Variants in RAB22A observed in about 807,000 individuals in gnomAD.
RAB22A encodes ras-related protein Rab-22A.
RAB22A carries 13 observed loss-of-function variants against 30.2 expected under a neutral mutation model. The observed-to-expected ratio is 0.43, with a 90% CI of 0.28 to 0.68. The LOEUF is 0.68. Among genes scored for constraint, RAB22A ranks in the 30% least tolerant of loss-of-function variants. The pLI is 0.18. For missense variants in RAB22A, 177 were observed against 246.8 expected (o/e 0.72, Z 1.89); for synonymous variants, 89 against 87.2 (o/e 1.02, Z -0.11).
In RAB22A at chr20:58,331,646, G is replaced by A. The variant is rs552977833; in HGVS notation, c.117-12072G>A. 1.2e-3 allele frequency among the ~76,000 whole-genome samples: 182 copies of A among 151,984 alleles called. 1 individual carries two copies. The highest frequency in any genetic ancestry group is 1.3e-3 in the Non-Finnish European group (90 of 67,978). ...TGTATTTGCCCTCTAGAAGTATTTGGCATTATCTTGACTTTTTTTTTTAAT... is the reference window on the plus strand; with the variant it reads ...TGTATTTGCCCTCTAGAAGTATTTGACATTATCTTGACTTTTTTTTTTAAT... On this transcript the variant is annotated intron_variant, in intron 2 of 6. Coordinates refer to ENST00000244040, the MANE Select transcript of RAB22A (RefSeq NM_020673.3).
chr20:58,330,575 GT>G (rs942280037), intron 2 of RAB22A, among the ~76,000 whole-genome samples: 14 of 152,084 alleles, frequency 9.2e-5, no homozygotes, highest in Non-Finnish European at 5.9e-5. Flanking sequence ...GAAGAGTGCT[GT>G]TTTGTTTTAA....
rs1161533575 is a variant in RAB22A at position 58,360,107 on chromosome 20, C to A, written c.*404C>A. On this transcript the variant is annotated 3_prime_UTR_variant, in exon 7 of 7. Coordinates refer to ENST00000244040, the MANE Select transcript of RAB22A (RefSeq NM_020673.3). ...GTGGAGATTATAATTTCCTTGGTTT[C>A]TGTTACCACTGTTAGAGGGAGTTGT... The A allele has an allele frequency of 6.5e-6, 1 of 153,976 alleles. No individual in the cohort carries two copies. The highest frequency in any genetic ancestry group is 2.4e-5 in the African/African-American group (1 of 41,446). 9.5% of individuals were successfully genotyped at this position (153,976 alleles called of 1,614,324 possible).
intron 2 of RAB22A, among the ~76,000 whole-genome samples, chr20:58,336,342 A>G (rs986501740): frequency 2.0e-5 from 3 of 152,028 alleles, no homozygotes; most frequent in Non-Finnish European, 4.4e-5. Context: ...CCAGCCCAAA[A>G]TGTCAGCCTT....
intron 2 of RAB22A, among the ~76,000 whole-genome samples, chr20:58,322,101 T>C (rs1253571968): frequency 6.6e-6 from 1 of 152,228 alleles, no homozygotes; most frequent in Non-Finnish European, 1.5e-5. Context: ...CCGGGCGTCA[T>C]TGTTAGATTT....
chr20:58,355,173 G>T (rs1049838374), intron 6 of RAB22A, among the ~76,000 whole-genome samples: 3 of 152,142 alleles, frequency 2.0e-5, no homozygotes, highest in Admixed American at 6.5e-5. Flanking sequence ...AGAGCCAAGG[G>T]TACTGAAGCA....
chr20:58,310,819 G>A (rs1226770421), intron 1 of RAB22A, among the ~76,000 whole-genome samples: 1 of 152,148 alleles, frequency 6.6e-6, no homozygotes, highest in Non-Finnish European at 1.5e-5. Context: ...CTCTCAAAAG[G>A]TCCTAATCTG....
At position 58,359,808 on chromosome 20, in the gene RAB22A, T is replaced by G; in HGVS notation, c.*105T>G. 1.1e-6 allele frequency: 1 copy of G among 941,658 alleles called. No individual in the cohort carries two copies. Among genetic ancestry groups the G allele is most frequent in the Non-Finnish European group, 1.6e-6 (1 of 628,988 alleles). The allele number at this position is 941,658 out of a possible 1,614,324, so 58.3% of individuals were successfully genotyped here. The stretch of plus-strand genomic sequence containing the variant: ...GTTTTCACCTAGCCAGTCTTGAGTC[T>G]TCTCCGTGCAAAAAGGATTCACAGA... On this transcript the variant is annotated 3_prime_UTR_variant, in exon 7 of 7. Coordinates refer to ENST00000244040, the MANE Select transcript of RAB22A (RefSeq NM_020673.3).
In RAB22A at chr20:58,309,765, G is replaced by A. The variant is rs1986180622; in HGVS notation, c.-212G>A. On this transcript the variant is annotated 5_prime_UTR_variant, in exon 1 of 7. Transcript: ENST00000244040. ...TGGCGGCGGCGGCGGCTCCCGGAAG[G>A]CCGCGGCGGCGTCCCGGCTGCTAAG... is the stretch of plus-strand genomic sequence containing the variant. 2 of 320,270 alleles carry A rather than the reference G, an allele frequency of 6.2e-6. No individual in the cohort carries two copies. Among genetic ancestry groups the A allele is most frequent in the Admixed American group, 1.0e-4 (2 of 19,154 alleles). 19.8% of individuals were successfully genotyped at this position (320,270 alleles called of 1,614,324 possible). A position where few individuals can be genotyped will look rare whatever the true frequency, so the allele number is the denominator to read the frequency against.
chr20:58,354,194 C>G lies in RAB22A; in HGVS notation c.416C>G (p.Ser139Cys). 1 of 1,613,820 alleles carries G rather than the reference C, an allele frequency of 6.2e-7. No homozygotes were observed. Among genetic ancestry groups the G allele is most frequent in the Non-Finnish European group, 8.5e-7 (1 of 1,179,790 alleles). The change falls in exon 6 of 7, where the codon TCT (serine) becomes TGT (cysteine). Residue 139 changes from serine to cysteine, a missense_variant. By Grantham distance (112) the Ser-to-Cys change is moderately radical. Coordinates refer to ENST00000244040, the MANE Select transcript of RAB22A (RefSeq NM_020673.3). ...MERDAKDYAD[S>C]IHAIFVETSA... ...AGAGATGCAAAGGACTACGCCGACTCTATTCATGCAATTTTTGTAGAGACC... is the reference window on the plus strand; with the variant it reads ...AGAGATGCAAAGGACTACGCCGACTGTATTCATGCAATTTTTGTAGAGACC...
At chr20:58,354,380 C>A (rs1322357026) in intron 6 of RAB22A, 115 bp downstream of exon 6, 7 of 665,930 alleles carry the variant, frequency 1.1e-5, no homozygotes, top group Non-Finnish European at 1.7e-5. Context: ...ATATTGTGAT[C>A]AGTGAAATGA....
At chr20:58,350,361 G>A (rs1052441312) in intron 3 of RAB22A, among the ~76,000 whole-genome samples, 1 of 152,204 alleles carries the variant, frequency 6.6e-6, no homozygotes, top group Non-Finnish European at 1.5e-5. Context: ...AGCAAAGAGA[G>A]AGATGGAAAC....
chr20:58,311,853 A>G (rs1475913951), intron 2 of RAB22A, among the ~76,000 whole-genome samples: 1 of 152,248 alleles, frequency 6.6e-6, no homozygotes, highest in East Asian at 1.9e-4. Flanking sequence ...TTTGTGCTCC[A>G]TGCAGATCAT....
chr20:58,311,374 A>G (rs1986222966), intron 2 of RAB22A, among the ~76,000 whole-genome samples: 1 of 152,228 alleles, frequency 6.6e-6, no homozygotes, highest in South Asian at 2.1e-4. Context: ...ATTAGAACAG[A>G]CACAGAAGCT....
chr20:58,351,335 CAA>C (rs562839081), intron 3 of RAB22A, among the ~76,000 whole-genome samples: 2 of 97,732 alleles, frequency 2.0e-5, no homozygotes. Context: ...GACTCTGTCT[CAA>C]AAAAAAAAAA....
At chr20:58,352,928 ATAGT>A (rs751994006) in intron 3 of RAB22A, among the ~76,000 whole-genome samples, 3 of 152,196 alleles carry the variant, frequency 2.0e-5, no homozygotes, top group Non-Finnish European at 4.4e-5. Flanking sequence ...ATCTCCCCTG[ATAGT>A]TAGGGAAGCC....
At chr20:58,315,244 C>T (rs1265082422) in intron 2 of RAB22A, among the ~76,000 whole-genome samples, 1 of 152,150 alleles carries the variant, frequency 6.6e-6, no homozygotes, top group Non-Finnish European at 1.5e-5. Context: ...CTGGTCTTCC[C>T]CAAGCTGTGT....
intron 3 of RAB22A, among the ~76,000 whole-genome samples, chr20:58,347,795 A>G (rs1986976969): frequency 6.6e-6 from 1 of 152,220 alleles, no homozygotes; most frequent in Non-Finnish European, 1.5e-5. Context: ...TTTTTCCACC[A>G]ATTATCTCCT....
Position 58,362,608 on chromosome 20 carries a change from C to T in RAB22A, c.*2905C>T, listed in dbSNP as rs1308856357. On this transcript the variant is annotated 3_prime_UTR_variant, in exon 7 of 7. Transcript: ENST00000244040. ...AAACCAATGGTCTCCAGAACTCTCACACAAGTGTTTTTCTGATTCTATGAT... is the reference window on the plus strand; with the variant it reads ...AAACCAATGGTCTCCAGAACTCTCATACAAGTGTTTTTCTGATTCTATGAT... 6.6e-6 allele frequency: 1 copy of T among 152,214 alleles called. No homozygotes were observed. Among genetic ancestry groups the T allele is most frequent in the Non-Finnish European group, 1.5e-5 (1 of 68,032 alleles). 9.4% of individuals were successfully genotyped at this position (152,214 alleles called of 1,614,324 possible). A position where few individuals can be genotyped will look rare whatever the true frequency, so the allele number is the denominator to read the frequency against.
intron 2 of RAB22A, among the ~76,000 whole-genome samples, chr20:58,342,825 A>C (rs1016892048): frequency 6.6e-6 from 1 of 152,096 alleles, no homozygotes; most frequent in African/African-American, 2.4e-5. Flanking sequence ...AATGGAAGGT[A>C]GTATTGGAGC....
Sources: allele counts gnomAD v4.1 joint callset (sites outside exome capture counted in the v4.1 genomes callset), GRCh38; gene constraint gnomAD v4.1.1; transcripts MANE v1.5; gene names NCBI Gene and HGNC (gene_info 2026-07-23, HGNC 2026-07-21).